Variants in ITGBL1 observed in about 807,000 individuals in gnomAD.
ITGBL1 encodes the protein integrin subunit beta like 1.
In ITGBL1, 51 loss-of-function variants were observed where a neutral mutation model predicts 68.5. That is an observed-to-expected ratio of 0.74 (90% CI 0.59 to 0.94). The LOEUF is 0.94. Ranked by LOEUF, ITGBL1 falls within the 40% of genes least tolerant of loss-of-function variation. The pLI is 0.00. For missense variants in ITGBL1, 649 were observed against 647.4 expected, an observed-to-expected ratio of 1.00 and a Z score of -0.03; for synonymous variants, 209 against 227.3, an observed-to-expected ratio of 0.92 and a Z score of 0.72.
chr13:101,578,720 G>T (rs1594901350), intron 4 of ITGBL1, among the ~76,000 whole-genome samples: 1 of 152,170 alleles, frequency 6.6e-6, no homozygotes, highest in East Asian at 1.9e-4. Context: ...ATGGTATTTT[G>T]TTTGTCTAAA....
intron 2 of ITGBL1, among the ~76,000 whole-genome samples, chr13:101,500,765 A>G (rs1167181880): frequency 6.6e-6 from 1 of 152,220 alleles, no homozygotes; most frequent in African/African-American, 2.4e-5. Flanking sequence ...TTTTCTAAAT[A>G]TAATAACAAT....
chr13:101,674,196 G>A (rs900933852), intron 7 of ITGBL1, among the ~76,000 whole-genome samples: 2 of 152,148 alleles, frequency 1.3e-5, no homozygotes, highest in Non-Finnish European at 1.5e-5. Context: ...ACACACTCGC[G>A]TGCATGCACA....
At chr13:101,467,739 T>C in intron 2 of ITGBL1, among the ~76,000 whole-genome samples, 1 of 152,214 alleles carries the variant, frequency 6.6e-6, no homozygotes, top group East Asian at 1.9e-4. Context: ...AATCAGTCCC[T>C]GTACCAAGAG....
At chr13:101,517,303 T>C (rs1274849104) in intron 2 of ITGBL1, among the ~76,000 whole-genome samples, 1 of 152,136 alleles carries the variant, frequency 6.6e-6, no homozygotes, top group African/African-American at 2.4e-5. Context: ...TCCAGAGACC[T>C]TCCTATCTGA....
At chr13:101,719,799 T>A (rs1050207994), downstream of ITGBL1, 1 of 152,010 alleles carries the variant, frequency 6.6e-6, no homozygotes, top group African/African-American at 2.4e-5. Flanking sequence ...TCCATCAGAT[T>A]TACTATACGG....
chr13:101,493,148 G>A (rs2048805542), intron 2 of ITGBL1, among the ~76,000 whole-genome samples: 1 of 152,040 alleles, frequency 6.6e-6, no homozygotes, highest in African/African-American at 2.4e-5. Flanking sequence ...TTTACTCAAG[G>A]AGCTGATATT....
At chr13:101,456,473 C>T (rs778767051) in intron 2 of ITGBL1, among the ~76,000 whole-genome samples, 3 of 152,206 alleles carry the variant, frequency 2.0e-5, no homozygotes, top group Middle Eastern at 3.2e-3. Flanking sequence ...TAGCAGGTTT[C>T]CTATGTTTAT....
chr13:101,672,227 C>T (rs2033396401), intron 7 of ITGBL1, among the ~76,000 whole-genome samples: 1 of 152,122 alleles, frequency 6.6e-6, no homozygotes, highest in Non-Finnish European at 1.5e-5. Flanking sequence ...GATGTTGGCC[C>T]TGTGCATAGT....
chr13:101,671,107 C>G (rs1459023403), intron 7 of ITGBL1, among the ~76,000 whole-genome samples: 1 of 152,122 alleles, frequency 6.6e-6, no homozygotes, highest in Non-Finnish European at 1.5e-5. Context: ...TCTCTAAACA[C>G]ATGTGCATTC....
intron 2 of ITGBL1, among the ~76,000 whole-genome samples, chr13:101,479,110 C>T (rs910481608): frequency 4.6e-5 from 7 of 152,050 alleles, no homozygotes; most frequent in African/African-American, 9.6e-5. Flanking sequence ...TAAAAACAGA[C>T]ATATAGACTG....
At chr13:101,665,813 A>C (rs2033200159) in intron 7 of ITGBL1, among the ~76,000 whole-genome samples, 2 of 152,186 alleles carry the variant, frequency 1.3e-5, no homozygotes, top group Non-Finnish European at 2.9e-5. Flanking sequence ...TAATAACAAG[A>C]ACTATCATAA....
Position 101,473,559 on chromosome 13 carries a change from A to G in ITGBL1, c.316+19459A>G, listed in dbSNP as rs117592929. 3.3e-5 allele frequency among the ~76,000 whole-genome samples: 5 copies of G among 152,292 alleles called. No homozygotes were observed. The East Asian group carries it at 9.7e-4, about 29-fold the overall frequency. On this transcript the variant is annotated intron_variant, in intron 2 of 10. Transcript: ENST00000376180. ...CTAAAGTAGTCTGGTGTTTTAAATA[A>G]ACTTGAAAGACAATCTAGACCATAA...
chr13:101,621,503 T>TC (rs931599000), intron 7 of ITGBL1, among the ~76,000 whole-genome samples: 2 of 152,086 alleles, frequency 1.3e-5, no homozygotes, highest in Non-Finnish European at 2.9e-5. Context: ...TTCTTTTTTT[T>TC]CTCCCACTTA....
At position 101,716,440 on chromosome 13, in the gene ITGBL1, G is replaced by A. The variant is rs997853822; in HGVS notation, c.*786G>A. 1 of 152,098 alleles carries A rather than the reference G, an allele frequency of 6.6e-6. No individual in the cohort carries two copies. The highest frequency in any genetic ancestry group is 1.5e-5 in the Non-Finnish European group (1 of 68,012). 9.4% of individuals were successfully genotyped at this position (152,098 alleles called of 1,614,324 possible). A position where few individuals can be genotyped will look rare whatever the true frequency, so the allele number is the denominator to read the frequency against. ...TTTTAAATAAATAGTGACAGAAGTT[G>A]TTTATACTCTGTGTCAGTATATATA... On this transcript the variant is annotated 3_prime_UTR_variant, in exon 11 of 11. Transcript: ENST00000376180.
At chr13:101,601,231 T>G (rs1434665751) in intron 7 of ITGBL1, among the ~76,000 whole-genome samples, 1 of 152,218 alleles carries the variant, frequency 6.6e-6, no homozygotes, top group Non-Finnish European at 1.5e-5. Context: ...GTAGAGGTGT[T>G]TATAGTATTC....
At chr13:101,604,439 T>C (rs2030571596) in intron 7 of ITGBL1, among the ~76,000 whole-genome samples, 1 of 151,880 alleles carries the variant, frequency 6.6e-6, no homozygotes, top group East Asian at 1.9e-4. Flanking sequence ...CATTTCAGCC[T>C]CTTGAAGTAC....
chr13:101,627,267 A>G (rs2031817947), intron 7 of ITGBL1, among the ~76,000 whole-genome samples: 1 of 152,072 alleles, frequency 6.6e-6, no homozygotes, highest in African/African-American at 2.4e-5. Flanking sequence ...AAAACATGTG[A>G]TATTTCAATG....
Position 101,714,563 on chromosome 13 carries a change from A to G in ITGBL1, c.1393+12A>G, listed in dbSNP as rs1226633794. On this transcript the variant is annotated intron_variant, in intron 10 of 10. Transcript: ENST00000376180. ...TCTCATTTGTACAGGTGCAGTATTAACCTTTTCTAATTGCTCTATGCCACA... is the reference window on the plus strand; with the variant it reads ...TCTCATTTGTACAGGTGCAGTATTAGCCTTTTCTAATTGCTCTATGCCACA... 6.9e-7 allele frequency: 1 copy of G among 1,451,268 alleles called. No individual in the cohort carries two copies. The highest frequency in any genetic ancestry group is 2.3e-5 in the East Asian group (1 of 44,026). 89.9% of individuals were successfully genotyped at this position (1,451,268 alleles called of 1,614,324 possible).
At chr13:101,482,262 G>A (rs913177920) in intron 2 of ITGBL1, among the ~76,000 whole-genome samples, 8 of 151,840 alleles carry the variant, frequency 5.3e-5, no homozygotes, top group Non-Finnish European at 1.0e-4. Flanking sequence ...CATTAGGACT[G>A]GGAAAGATGA....
Sources: gnomAD v4.1 joint callset for allele counts (sites outside exome capture counted in the v4.1 genomes callset) on GRCh38, gnomAD v4.1.1 for gene constraint, MANE v1.5 for transcripts, NCBI Gene and HGNC (gene_info 2026-07-23, HGNC 2026-07-21) for gene names.